Variants in DHTKD1 observed in about 807,000 individuals in gnomAD.
The protein encoded by DHTKD1 is dehydrogenase E1 and transketolase domain containing 1, also known as 2-oxoadipate dehydrogenase complex component E1.
A neutral mutation model predicts 101.8 loss-of-function variants in DHTKD1; 78 were observed. The observed-to-expected ratio is 0.77, with a 90% CI of 0.64 to 0.93. The LOEUF is 0.93. DHTKD1 is among the 40% of genes least tolerant of loss of function. DHTKD1 has a pLI of 0.00. For missense variants in DHTKD1, 1,223 were observed against 1,161.7 expected (o/e 1.05, Z -0.77); for synonymous variants, 462 against 450.3 (o/e 1.03, Z -0.33).
At chr10:12,084,112 G>A (rs924269600) in intron 2 of DHTKD1, among the ~76,000 whole-genome samples, 8 of 152,028 alleles carry the variant, frequency 5.3e-5, no homozygotes, top group Admixed American at 2.6e-4. Context: ...TAGTAGAGAC[G>A]GAGTTTTACC....
Position 12,089,261 on chromosome 10 carries a change from T to C in DHTKD1, c.987+6T>C. On this transcript the variant is annotated splice_donor_region_variant and intron_variant, in intron 5 of 16. Transcript: ENST00000263035. ...ACAGGGTCATTTGCTTACAGGTACT[T>C]GGAGCTTCTGAAATTGAGGCCAGAG... is the stretch of plus-strand genomic sequence containing the variant. 1 of 1,611,160 alleles carries C rather than the reference T, an allele frequency of 6.2e-7. No homozygotes were observed. The highest frequency in any genetic ancestry group is 8.5e-7 in the Non-Finnish European group (1 of 1,178,066).
chr10:12,073,963 A>G (rs1832687015), intron 1 of DHTKD1, among the ~76,000 whole-genome samples: 1 of 152,126 alleles, frequency 6.6e-6, no homozygotes, highest in Non-Finnish European at 1.5e-5. Flanking sequence ...ATTCTCCTTT[A>G]TTTTTAAGAG....
chr10:12,084,236 T>C (rs958061402), intron 2 of DHTKD1, among the ~76,000 whole-genome samples: 8 of 152,092 alleles, frequency 5.3e-5, no homozygotes, highest in Admixed American at 3.3e-4. Context: ...ATGACCCAAG[T>C]TATTAAGAAC....
chr10:12,082,235 G>A (rs1401748155), intron 2 of DHTKD1, among the ~76,000 whole-genome samples: 2 of 152,254 alleles, frequency 1.3e-5, no homozygotes, highest in African/African-American at 4.8e-5. Context: ...TCTTTATTTT[G>A]TAGATGGAGA....
chr10:12,092,761 C>A (rs956542402), intron 6 of DHTKD1, among the ~76,000 whole-genome samples: 1 of 151,894 alleles, frequency 6.6e-6, no homozygotes, highest in Non-Finnish European at 1.5e-5. Context: ...CAAGATCAGG[C>A]CATTGCACTA....
At chr10:12,084,399 C>T (rs1353422351) in intron 2 of DHTKD1, 141 bp from the exon 3 acceptor site, 5 of 584,156 alleles carry the variant, frequency 8.6e-6, no homozygotes, top group Admixed American at 6.2e-5. Flanking sequence ...TATAACAAAA[C>T]AATGCCTTCA....
In DHTKD1 at chr10:12,102,586, C is replaced by G. The variant is rs189814207; in HGVS notation, c.1896+1405C>G. Among the ~76,000 whole-genome samples, 653 of 152,112 alleles carry G rather than the reference C, an allele frequency of 4.3e-3. 6 individuals carry two copies. The highest frequency in any genetic ancestry group is 0.012 in the African/African-American group (490 of 41,502). On this transcript the variant is annotated intron_variant, in intron 10 of 16. Coordinates refer to ENST00000263035, the MANE Select transcript of DHTKD1 (RefSeq NM_018706.7). ...ACTGAAATGTTTAGCATTCCCCTACCTCAGATGAGGCTTTCATTGAATTGT... is the reference window on the plus strand; with the variant it reads ...ACTGAAATGTTTAGCATTCCCCTACGTCAGATGAGGCTTTCATTGAATTGT...
In DHTKD1 at chr10:12,117,655, GC is replaced by G; in HGVS notation, c.2320-16del. The G allele has an allele frequency of 6.6e-7, 1 of 1,504,160 alleles. No individual in the cohort carries two copies. The highest frequency in any genetic ancestry group is 9.2e-7 in the Non-Finnish European group (1 of 1,087,862). 93.2% of individuals were successfully genotyped at this position (1,504,160 alleles called of 1,614,324 possible). On this transcript the variant is annotated splice_polypyrimidine_tract_variant and intron_variant, in intron 13 of 16. Transcript: ENST00000263035. ...CTTTCTGTTGCTTGCTGGATGTGTG[GC>G]CTCTTCTCCCTCGTAGGCAGCCGTG...
At position 12,110,508 on chromosome 10, in the gene DHTKD1, A is replaced by G. The variant is rs1833314319; in HGVS notation, c.2155-2392A>G. ...AGAGAAAGGAAAGTGTATTTATTTA[A>G]ACATTTTTAATTGACAAATGTACAA... On this transcript the variant is annotated intron_variant, in intron 12 of 16. Coordinates refer to ENST00000263035, the MANE Select transcript of DHTKD1 (RefSeq NM_018706.7). The surrounding 1 kb of genome is among the most constrained non-coding windows in gnomAD (Gnocchi z 4.9). 6.6e-6 allele frequency among the ~76,000 whole-genome samples: 1 copy of G among 152,162 alleles called. No individual in the cohort carries two copies.
In DHTKD1 at chr10:12,089,255, G is replaced by C. The variant is rs1363866819; in HGVS notation, c.987G>C (p.Gln329His). 3.1e-6 allele frequency: 5 copies of C among 1,611,722 alleles called. No individual in the cohort carries two copies. Among genetic ancestry groups the C allele is most frequent in the African/African-American group, 1.3e-5 (1 of 74,894 alleles). The change falls in exon 5 of 17, where the codon CAG becomes CAC. Residue 329 changes from glutamine (Q) to histidine (H), a missense_variant and splice_region_variant. Physicochemically the swap from Gln to His is conservative, Grantham distance 24. Transcript: ENST00000263035. ...AQPGDRVICL[Q>H]VHGDASFCGQ... ...CGGGGGACAGGGTCATTTGCTTACA[G>C]GTACTTGGAGCTTCTGAAATTGAGG...
intron 2 of DHTKD1, among the ~76,000 whole-genome samples, chr10:12,083,789 A>G (rs1164905187): frequency 6.6e-6 from 1 of 152,198 alleles, no homozygotes; most frequent in Non-Finnish European, 1.5e-5. Context: ...ATAAAGCAGC[A>G]GTAGGCTCTG....
intron 3 of DHTKD1, among the ~76,000 whole-genome samples, 161 bp downstream of exon 3, chr10:12,084,912 ATGCTGGT>A (rs1423151794): frequency 6.6e-6 from 1 of 152,076 alleles, no homozygotes; most frequent in African/African-American, 2.4e-5. Flanking sequence ...TTAGCCAGGC[ATGCTGGT>A]GCATGCCTGT....
At chr10:12,102,711 T>TTTCA (rs1187374550) in intron 10 of DHTKD1, among the ~76,000 whole-genome samples, 3 of 152,134 alleles carry the variant, frequency 2.0e-5, no homozygotes, top group Admixed American at 6.6e-5. Flanking sequence ...TTTAATTTAG[T>TTTCA]TTCATTCATT....
At chr10:12,072,932 C>T (rs1413028688) in intron 1 of DHTKD1, among the ~76,000 whole-genome samples, 2 of 151,888 alleles carry the variant, frequency 1.3e-5, no homozygotes. Context: ...GACAGGGTTT[C>T]TCTGTGTTGG....
chr10:12,093,090 C>CT (rs1365743597), intron 6 of DHTKD1, among the ~76,000 whole-genome samples: 2 of 151,006 alleles, frequency 1.3e-5, no homozygotes, highest in Non-Finnish European at 2.9e-5. Context: ...GTTGCCCACG[C>CT]TGCAGTGCAA....
At chr10:12,072,609 T>C (rs1035145403) in intron 1 of DHTKD1, among the ~76,000 whole-genome samples, 8 of 152,218 alleles carry the variant, frequency 5.3e-5, no homozygotes, top group African/African-American at 1.9e-4. Flanking sequence ...TCTTTGTAAC[T>C]AGGTATTTGT....
In DHTKD1 at chr10:12,110,097, G is replaced by T. The variant is rs995919990; in HGVS notation, c.2154+2082G>T. ...GCGGATCATGAGGTCAGGAGATGAAGACCATCCTGGCTAACACGGTGAAAC... is the reference window on the plus strand; with the variant it reads ...GCGGATCATGAGGTCAGGAGATGAATACCATCCTGGCTAACACGGTGAAAC... On this transcript the variant is annotated intron_variant, in intron 12 of 16. Transcript: ENST00000263035. The surrounding 1 kb of genome is among the most constrained non-coding windows in gnomAD (Gnocchi z 4.9). Among the ~76,000 whole-genome samples, 3 of 152,110 alleles carry T rather than the reference G, an allele frequency of 2.0e-5. No individual in the cohort carries two copies. Among genetic ancestry groups the T allele is most frequent in the South Asian group, 2.1e-4 (1 of 4,828 alleles).
chr10:12,106,693 A>G (rs1312621627), intron 11 of DHTKD1, among the ~76,000 whole-genome samples: 3 of 152,218 alleles, frequency 2.0e-5, no homozygotes, highest in Admixed American at 1.3e-4. Context: ...CTTCCGAAGC[A>G]GTACCTGCTC....
Position 12,091,558 on chromosome 10 carries a change from ACATTCACGCTGTC to A in DHTKD1, c.1036_1048del (p.Phe346IlefsTer13). On this transcript the variant is annotated frameshift_variant, in exon 6 of 17. Transcript: ENST00000263035. LOFTEE classifies it high-confidence loss of function. The stretch of plus-strand genomic sequence containing the variant: ...CTGTGGTCAAGGGATTGTTCCTGAA[ACATTCACGCTGTC>A]CAATCTCCCACATTTCAGAATTGGT... The A allele has an allele frequency of 1.2e-6, 2 of 1,612,434 alleles. No individual in the cohort carries two copies. The highest frequency in any genetic ancestry group is 1.7e-6 in the Non-Finnish European group (2 of 1,179,756).
Sources: allele counts gnomAD v4.1 joint callset (sites outside exome capture counted in the v4.1 genomes callset), GRCh38; gene constraint gnomAD v4.1.1; non-coding constraint Gnocchi (gnomAD v3.1); transcripts MANE v1.5; gene names NCBI Gene and HGNC (gene_info 2026-07-23, HGNC 2026-07-21).